Variants in ESYT2 observed in about 807,000 individuals in gnomAD.
ESYT2 encodes the protein extended synaptotagmin 2.
A neutral mutation model predicts 107.2 loss-of-function variants in ESYT2; 54 were observed. That is an observed-to-expected ratio of 0.50 (90% CI 0.40 to 0.63). ESYT2 has a LOEUF of 0.63. Among genes scored for constraint, ESYT2 ranks in the 30% least tolerant of loss-of-function variants. The pLI is 0.00. For missense variants in ESYT2, 1,020 were observed against 1,094.5 expected, an observed-to-expected ratio of 0.93 and a Z score of 0.96; for synonymous variants, 491 against 434.1, an observed-to-expected ratio of 1.13 and a Z score of -1.63.
intron 4 of ESYT2, among the ~76,000 whole-genome samples, chr7:158,788,811 TA>T (rs1187214375): frequency 2.0e-5 from 3 of 152,230 alleles, no homozygotes; most frequent in Admixed American, 1.3e-4. Flanking sequence ...GTTTAAACAT[TA>T]AAAAGTTTAA....
chr7:158,796,167 C>T (rs1839452036), intron 3 of ESYT2, among the ~76,000 whole-genome samples: 1 of 152,138 alleles, frequency 6.6e-6, no homozygotes, highest in African/African-American at 2.4e-5. Context: ...ACAACGTGTG[C>T]AGACTGTGTG....
chr7:158,770,135 C>T (rs1233549062), intron 7 of ESYT2, among the ~76,000 whole-genome samples: 4 of 152,040 alleles, frequency 2.6e-5, no homozygotes, highest in Non-Finnish European at 5.9e-5. Flanking sequence ...AGGCGATCCA[C>T]CCGCCTCAGC....
rs1374472867 is a variant in ESYT2, at chr7:158,767,779, T to C, written c.804-5A>G. 3.1e-6 allele frequency: 5 copies of C among 1,607,752 alleles called. No homozygotes were observed. The highest frequency in any genetic ancestry group is 1.3e-5 in the African/African-American group (1 of 74,776). The stretch of plus-strand genomic sequence containing the variant: ...ATGATAGTATCTGATAAACCACTGT[T>C]AGTTGGGAGACAAAAAGAGCAAACG... On this transcript the variant is annotated splice_polypyrimidine_tract_variant and splice_region_variant and intron_variant, in intron 7 of 22. Transcript: ENST00000275418.
chr7:158,763,153 C>CATACACTAA lies in ESYT2; in HGVS notation c.1105_1113dup (p.Leu369_Tyr371dup). The stretch of plus-strand genomic sequence containing the variant: ...ATCTCTAATTCTTGTCCAGGATGTT[C>CATACACTAA]ATACACTAAAGCCTAAAACATCAAT... On this transcript the variant is annotated inframe_insertion, in exon 10 of 23. Transcript: ENST00000275418. 6.2e-7 allele frequency: 1 copy of CATACACTAA among 1,612,560 alleles called. No individual in the cohort carries two copies. Among genetic ancestry groups the CATACACTAA allele is most frequent in the South Asian group, 1.1e-5 (1 of 90,920 alleles).
intron 3 of ESYT2, among the ~76,000 whole-genome samples, chr7:158,796,468 G>A (rs6459903): frequency 0.13 from 19,380 of 152,128 alleles, 1,390 homozygotes; most frequent in African/African-American, 0.2. Flanking sequence ...TTAACATCCC[G>A]AGAGGGGTAA....
chr7:158,757,379 C>CCGACGCT (rs1837795211), intron 13 of ESYT2, among the ~76,000 whole-genome samples: 1 of 152,140 alleles, frequency 6.6e-6, no homozygotes, highest in African/African-American at 2.4e-5. Flanking sequence ...AACACTAGTC[C>CCGACGCT]CGACGCTCGC....
At chr7:158,772,728 C>T (rs1838415980) in intron 7 of ESYT2, among the ~76,000 whole-genome samples, 1 of 152,026 alleles carries the variant, frequency 6.6e-6, no homozygotes, top group Admixed American at 6.6e-5. Context: ...TGTTATGGAA[C>T]ATTTTTCTCC....
chr7:158,751,966 G>A (rs541350336), intron 14 of ESYT2, among the ~76,000 whole-genome samples: 145 of 152,280 alleles, frequency 9.5e-4, no homozygotes, highest in Non-Finnish European at 1.7e-3. Flanking sequence ...GGTGCAGGAC[G>A]AAGTGGGGGT....
At chr7:158,801,841 T>C (rs2129473649) in intron 1 of ESYT2, among the ~76,000 whole-genome samples, 1 of 152,366 alleles carries the variant, frequency 6.6e-6, no homozygotes, top group Non-Finnish European at 1.5e-5. Context: ...ACGCTGCTAT[T>C]ACCAAAGTTG....
chr7:158,827,897 TAAGA>T (rs1366429497), intron 1 of ESYT2, among the ~76,000 whole-genome samples: 1 of 152,182 alleles, frequency 6.6e-6, no homozygotes, highest in African/African-American at 2.4e-5. Flanking sequence ...AAGTCATGGC[TAAGA>T]AAGAATTAGG....
At chr7:158,772,894 T>TAAAAAAAAAAA (rs3033501) in intron 7 of ESYT2, among the ~76,000 whole-genome samples, 1 of 142,018 alleles carries the variant, frequency 7.0e-6, no homozygotes. Context: ...GAATAAAAGT[T>TAAAAAAAAAAA]AAAAAAAAAA....
intron 1 of ESYT2, among the ~76,000 whole-genome samples, chr7:158,814,360 T>G (rs1840091138): frequency 7.7e-6 from 1 of 129,766 alleles, no homozygotes; most frequent in African/African-American, 2.9e-5. Flanking sequence ...ATAATATACC[T>G]TACTCGTCCA....
At chr7:158,801,504 C>T (rs1299602400) in intron 1 of ESYT2, among the ~76,000 whole-genome samples, 2 of 152,180 alleles carry the variant, frequency 1.3e-5, no homozygotes, top group African/African-American at 4.8e-5. Flanking sequence ...TAAACATTTG[C>T]TTATTTTGCA....
chr7:158,748,275 T>C lies in ESYT2; in HGVS notation c.1563A>G (p.Arg521=). Residue 521 remains arginine, a synonymous_variant, in exon 16 of 23, where the codon CGA becomes CGG. Coordinates refer to ENST00000275418, the MANE Select transcript of ESYT2 (RefSeq NM_001367773.1). ...CCCACACAGGTTCATTGGTTTTGTATCGAATCTAGAAGAAATATCCAAATT... is the reference window on the plus strand; with the variant it reads ...CCCACACAGGTTCATTGGTTTTGTACCGAATCTAGAAGAAATATCCAAATT... ...VGHKAQESKI[R]YKTNEPVWEE... is the part of the protein sequence containing the mutation. 1 of 1,613,756 alleles carries C rather than the reference T, an allele frequency of 6.2e-7. No homozygotes were observed. The highest frequency in any genetic ancestry group is 8.5e-7 in the Non-Finnish European group (1 of 1,179,684).
chr7:158,781,041 AAT>A (rs1436246394), intron 6 of ESYT2, among the ~76,000 whole-genome samples: 16 of 152,374 alleles, frequency 1.1e-4, no homozygotes, highest in African/African-American at 2.9e-4. Flanking sequence ...TAAGTGTGAG[AAT>A]ATGTGAGGAG....
intron 6 of ESYT2, among the ~76,000 whole-genome samples, chr7:158,782,009 G>T (rs981777361): frequency 2.6e-5 from 4 of 151,810 alleles, no homozygotes; most frequent in African/African-American, 7.3e-5. Flanking sequence ...GAACAAGTGT[G>T]TGAACAAAGT....
chr7:158,761,670 C>G, intron 10 of ESYT2, 126 bp from the exon 11 acceptor site: 1 of 786,986 alleles, frequency 1.3e-6, no homozygotes, highest in Non-Finnish European at 2.1e-6. Context: ...AACAAGCACT[C>G]CAGAAATGCA....
At chr7:158,787,867 C>A (rs1454389111) in intron 6 of ESYT2, 137 bp downstream of exon 6, 9 of 624,542 alleles carry the variant, frequency 1.4e-5, no homozygotes, top group Non-Finnish European at 2.3e-5. Flanking sequence ...ATACAAAAAA[C>A]TCCCACAGGA....
chr7:158,798,909 C>T (rs1839552680), intron 2 of ESYT2, 122 bp downstream of exon 2: 2 of 878,210 alleles, frequency 2.3e-6, no homozygotes, highest in Non-Finnish European at 3.6e-6. Flanking sequence ...GGACCAGAAG[C>T]CAACCCACTA....
Sources: gnomAD v4.1 joint callset for allele counts (sites outside exome capture counted in the v4.1 genomes callset) on GRCh38, gnomAD v4.1.1 for gene constraint, MANE v1.5 for transcripts, NCBI Gene and HGNC (gene_info 2026-07-23, HGNC 2026-07-21) for gene names.